SBNO1: variants seen among roughly 807,000 people sequenced by gnomAD.
SBNO1 encodes the protein strawberry notch homolog 1, also known as protein strawberry notch homolog 1.
In SBNO1, 23 loss-of-function variants were observed where a neutral mutation model predicts 173.6. That is an observed-to-expected ratio of 0.13 (90% CI 0.10 to 0.19). The LOEUF (loss-of-function observed/expected upper bound fraction) is 0.19. Among genes scored for constraint, SBNO1 ranks in the 10% least tolerant of loss-of-function variants. The pLI is 1.00. For synonymous variants in SBNO1, 632 were observed against 571.5 expected (o/e 1.11, Z -1.51); for missense variants, 1,238 against 1,671.2 (o/e 0.74, Z 4.52).
rs56158087 is a variant in SBNO1, at chr12:123,318,737, C to CA, written c.2799+1162dup. On this transcript the variant is annotated intron_variant, in intron 20 of 31. Transcript: ENST00000602398. ...TGGGCAACAGAGTAAGACTCTGTCTCAAAAAAAAAAAAAAAAAGAGTCTCT... is the reference window on the plus strand; with the variant it reads ...TGGGCAACAGAGTAAGACTCTGTCTCAAAAAAAAAAAAAAAAAAGAGTCTCT... Among the ~76,000 whole-genome samples, 663 of 116,482 alleles carry CA rather than the reference C, an allele frequency of 5.7e-3. 7 individuals are homozygous for CA. The highest frequency in any genetic ancestry group is 0.02 in the African/African-American group (542 of 26,644). The allele number at this position is 116,482 out of a possible 152,430, so 76.4% of individuals were successfully genotyped here.
At position 123,350,326 on chromosome 12, in the gene SBNO1, G is replaced by T. The variant is rs1392578398; in HGVS notation, c.116C>A (p.Thr39Asn). ...GDAGLATPMP[T>N]PSVQQSVPLS... ...AACTCTTACCTGCTGAACTGACGGG[G>T]TAGGCATTGGAGTTGCAAGCCCTGC... Residue 39 changes from threonine to asparagine, a missense_variant, in exon 2 of 32, where the codon ACC (threonine) becomes AAC (asparagine). Around this residue, in one of 14 missense-constraint regions of SBNO1, gnomAD observed 287 missense variants for 274.1 expected, o/e 1.05. Coordinates refer to ENST00000602398, the MANE Select transcript of SBNO1 (RefSeq NM_001167856.3). The T allele has an allele frequency of 7.4e-6, 12 of 1,613,962 alleles. No individual in the cohort carries two copies. The highest frequency in any genetic ancestry group is 9.3e-6 in the Non-Finnish European group (11 of 1,179,982).
chr12:123,358,351 C>T (rs1874700436), intron 1 of SBNO1, among the ~76,000 whole-genome samples: 1 of 152,222 alleles, frequency 6.6e-6, no homozygotes, highest in Non-Finnish European at 1.5e-5. Context: ...ATTAGGGATG[C>T]TCAACCCATA....
In SBNO1 at chr12:123,327,748, T is replaced by C. The variant is rs200446829; in HGVS notation, c.1497A>G (p.Pro499=). 9.1e-4 allele frequency: 1,464 copies of C among 1,613,940 alleles called. 33 individuals carry two copies. In the South Asian group the frequency reaches 0.015, roughly 17 times the overall value. ...NRLGIWGEGT[P]FREFSDFIQA... Reference sequence around the variant, plus strand: ...GAATAAAATCACTGAATTCTCTAAATGGAGTACCCTCACCCCATATGCCAA... The same window carrying C: ...GAATAAAATCACTGAATTCTCTAAACGGAGTACCCTCACCCCATATGCCAA... The change falls in exon 12 of 32, where the codon CCA becomes CCG. Residue 499 remains proline (P), a synonymous_variant. Coordinates refer to ENST00000602398, the MANE Select transcript of SBNO1 (RefSeq NM_001167856.3).
Position 123,334,245 on chromosome 12 carries a change from A to C in SBNO1, c.749-32T>G, listed in dbSNP as rs368183017. ...AAAAATGTAAAAACATTTTATTTTA[A>C]TTATTCTAAGTAATAACATTTCCAG... On this transcript the variant is annotated intron_variant, in intron 6 of 31. Transcript: ENST00000602398. 2.7e-5 allele frequency: 35 copies of C among 1,296,618 alleles called. No individual in the cohort carries two copies. The South Asian group carries it at 3.8e-4, about 14-fold the overall frequency. The allele number at this position is 1,296,618 out of a possible 1,614,324, so 80.3% of individuals were successfully genotyped here.
chr12:123,362,640 A>T (rs1401515108), intron 1 of SBNO1, among the ~76,000 whole-genome samples: 1 of 149,426 alleles, frequency 6.7e-6, no homozygotes, highest in African/African-American at 2.5e-5. Flanking sequence ...GTGGTGGCAC[A>T]TGCCTGCAAT....
chr12:123,329,012 A>G (rs1870885359), intron 9 of SBNO1, 117 bp from the exon 10 acceptor site: 1 of 581,038 alleles, frequency 1.7e-6, no homozygotes, highest in African/African-American at 1.9e-5. Flanking sequence ...GGCTTCAGAA[A>G]ACATAAAAGT....
At chr12:123,312,558 A>G (rs1868713384) in intron 24 of SBNO1, among the ~76,000 whole-genome samples, 1 of 152,086 alleles carries the variant, frequency 6.6e-6, no homozygotes, top group African/African-American at 2.4e-5. Context: ...TTGAAAACAC[A>G]AAAATTAGCC....
At chr12:123,338,252 C>A (rs1159385322) in intron 5 of SBNO1, among the ~76,000 whole-genome samples, 1 of 152,192 alleles carries the variant, frequency 6.6e-6, no homozygotes, top group Non-Finnish European at 1.5e-5. Flanking sequence ...CCATGAAGGC[C>A]AAACAAAATA....
intron 20 of SBNO1, among the ~76,000 whole-genome samples, chr12:123,317,956 T>G (rs1869483342): frequency 6.6e-6 from 1 of 152,158 alleles, no homozygotes; most frequent in African/African-American, 2.4e-5. Context: ...CGTAACATTA[T>G]CTTTTTGTAT....
At chr12:123,359,507 A>G (rs1874868224) in intron 1 of SBNO1, among the ~76,000 whole-genome samples, 1 of 150,424 alleles carries the variant, frequency 6.6e-6, no homozygotes, top group Admixed American at 6.7e-5. Flanking sequence ...GGTTGCCAAG[A>G]TCGCACTCGT....
At chr12:123,302,599 A>G (rs1182977279) in intron 30 of SBNO1, among the ~76,000 whole-genome samples, 1 of 152,218 alleles carries the variant, frequency 6.6e-6, no homozygotes, top group African/African-American at 2.4e-5. Flanking sequence ...CTGCCAGACA[A>G]CAGTTGGCTG....
Position 123,293,679 on chromosome 12 carries a change from A to G in SBNO1, c.*2229T>C, listed in dbSNP as rs2048543495. On this transcript the variant is annotated 3_prime_UTR_variant, in exon 32 of 32. Transcript: ENST00000602398. ...TACACTCCTATTTATCAAGATGGCT[A>G]GTCCAGAGCAAACATTACATCATAG... The G allele has an allele frequency of 6.6e-6, 1 of 152,234 alleles. No homozygotes were observed. Among genetic ancestry groups the G allele is most frequent in the East Asian group, 1.9e-4 (1 of 5,204 alleles). The allele number at this position is 152,234 out of a possible 1,614,324, so 9.4% of individuals were successfully genotyped here.
intron 7 of SBNO1, among the ~76,000 whole-genome samples, chr12:123,333,009 A>G (rs1302383168): frequency 6.6e-6 from 1 of 152,132 alleles, no homozygotes; most frequent in Non-Finnish European, 1.5e-5. Context: ...CTGTAGTCCC[A>G]GCTACTCGGG....
chr12:123,335,622 C>T (rs1180284890), intron 6 of SBNO1, among the ~76,000 whole-genome samples: 1 of 152,172 alleles, frequency 6.6e-6, no homozygotes, highest in Non-Finnish European at 1.5e-5. Context: ...GTCTCTTGTA[C>T]AACTACTTAA....
intron 24 of SBNO1, among the ~76,000 whole-genome samples, chr12:123,311,406 A>G (rs191414606): frequency 5.9e-5 from 9 of 152,050 alleles, no homozygotes; most frequent in African/African-American, 1.9e-4. Flanking sequence ...ACGGAGTCTC[A>G]CTCTGTCACC....
chr12:123,330,336 T>G, intron 9 of SBNO1, 83 bp downstream of exon 9: 1 of 838,758 alleles, frequency 1.2e-6, no homozygotes, highest in East Asian at 2.5e-5. Context: ...AAGTGTCCCC[T>G]TATATACATA....
intron 3 of SBNO1, among the ~76,000 whole-genome samples, chr12:123,346,372 A>C (rs1024553200): frequency 1.3e-5 from 2 of 152,210 alleles, no homozygotes; most frequent in Non-Finnish European, 2.9e-5. Context: ...TTTAATAAAG[A>C]GTCTACTATT....
intron 4 of SBNO1, among the ~76,000 whole-genome samples, chr12:123,343,866 GAC>G (rs1872818191): frequency 1.3e-5 from 2 of 152,104 alleles, no homozygotes; most frequent in South Asian, 4.1e-4. Flanking sequence ...GACCTAGCTT[GAC>G]AGTTTCTCAG....
intron 4 of SBNO1, among the ~76,000 whole-genome samples, chr12:123,343,221 A>C (rs951062442): frequency 6.6e-5 from 10 of 152,236 alleles, no homozygotes; most frequent in Non-Finnish European, 1.2e-4. Flanking sequence ...CGATGGAATG[A>C]GACTTCGTCT....
Sources: gnomAD v4.1 joint callset for allele counts (sites outside exome capture counted in the v4.1 genomes callset) on GRCh38, gnomAD v4.1.1 for gene constraint, gnomAD v4.1.1 regional missense constraint, MANE v1.5 for transcripts, NCBI Gene and HGNC (gene_info 2026-07-23, HGNC 2026-07-21) for gene names.